GPR143: variants seen among roughly 807,000 people sequenced by gnomAD.
The protein encoded by GPR143 is G-protein coupled receptor 143.
GPR143 carries 8 observed loss-of-function variants against 27.6 expected under a neutral mutation model. That is an observed-to-expected ratio of 0.29 (90% CI 0.17 to 0.52). The LOEUF is 0.52. Among genes scored for constraint, GPR143 ranks in the 20% least tolerant of loss-of-function variants. The pLI is 0.96. For missense variants in GPR143, 303 were observed against 343.1 expected, an observed-to-expected ratio of 0.88 and a Z score of 0.92; for synonymous variants, 156 against 153.2, an observed-to-expected ratio of 1.02 and a Z score of -0.13.
intron 1 of GPR143, among the ~76,000 whole-genome samples, chrX:9,771,557 G>A (rs973987558): frequency 9.0e-6 from 1 of 110,592 alleles, no homozygotes; most frequent in African/African-American, 3.3e-5. Flanking sequence ...CTGACCTATG[G>A]CTCCTACTTT....
At chrX:9,749,226 T>TTCC (rs1423622263) in intron 3 of GPR143, among the ~76,000 whole-genome samples, 1 of 73,090 alleles carries the variant, frequency 1.4e-5, no homozygotes, top group African/African-American at 5.5e-5. Context: ...GGGATTTCCC[T>TTCC]CCCCCCCCAA....
intron 3 of GPR143, among the ~76,000 whole-genome samples, chrX:9,750,074 C>G (rs1283154480): frequency 9.0e-6 from 1 of 111,512 alleles, no homozygotes; most frequent in Non-Finnish European, 1.9e-5. Flanking sequence ...CCTTTCTTCC[C>G]TTTTTCTGAC....
At chrX:9,775,744 A>G (rs1014949069) in intron 1 of GPR143, among the ~76,000 whole-genome samples, 1 of 112,202 alleles carries the variant, frequency 8.9e-6, no homozygotes, top group African/African-American at 3.2e-5. Context: ...CTTTTCTTGA[A>G]GTCCACTTTT....
chrX:9,745,078 C>G (rs758688524), intron 5 of GPR143, among the ~76,000 whole-genome samples: 3 of 111,581 alleles, frequency 2.7e-5, no homozygotes, highest in Non-Finnish European at 5.6e-5. Flanking sequence ...ATAGTGAAAC[C>G]CCGTCTCTAC....
At chrX:9,729,509 T>C (rs137903681) in intron 8 of GPR143, among the ~76,000 whole-genome samples, 3 of 111,867 alleles carry the variant, frequency 2.7e-5, no homozygotes, top group African/African-American at 9.7e-5. Flanking sequence ...TTGAAGTAAA[T>C]TCTGCTGGGA....
chrX:9,732,304 T>A (rs2083357979), intron 8 of GPR143, among the ~76,000 whole-genome samples: 1 of 110,831 alleles, frequency 9.0e-6, no homozygotes, highest in Non-Finnish European at 1.9e-5. Flanking sequence ...AACAGAGTTG[T>A]GGGAGAAACA....
At chrX:9,728,412 AAT>A (rs1048763498) in intron 8 of GPR143, among the ~76,000 whole-genome samples, 7 of 107,309 alleles carry the variant, frequency 6.5e-5, no homozygotes, top group African/African-American at 2.4e-4. Flanking sequence ...AAAAAAAAAA[AAT>A]TAGAGTTATA....
At chrX:9,765,259 C>T (rs911495732) in intron 1 of GPR143, among the ~76,000 whole-genome samples, 11 of 111,496 alleles carry the variant, frequency 9.9e-5, no homozygotes, top group African/African-American at 3.6e-4. Context: ...CACTCTCACC[C>T]GGGGATTGAG....
chrX:9,766,903 T>TCTCA (rs1379433308), upstream of GPR143, among the ~76,000 whole-genome samples: 1,451 of 86,898 alleles, frequency 0.017, 18 homozygotes, highest in Non-Finnish European at 0.023. Context: ...TCTCTCTCTC[T>TCTCA]CACACACACA....
chrX:9,773,932 A>C (rs1394809183), intron 1 of GPR143, among the ~76,000 whole-genome samples: 1 of 111,469 alleles, frequency 9.0e-6, no homozygotes, highest in African/African-American at 3.3e-5. Context: ...AACTTAGAAA[A>C]AAAGTTTTAT....
rs145159358 is a variant in GPR143, at chrX:9,750,376, A to ATT, written c.456-1712_456-1711dup. 9.0e-3 allele frequency among the ~76,000 whole-genome samples: 917 copies of ATT among 101,744 alleles called. 16 individuals carry two copies. Among genetic ancestry groups the ATT allele is most frequent in the African/African-American group, 0.031 (869 of 27,627 alleles). The allele number at this position is 101,744 out of a possible 115,157, so 88.4% of individuals were successfully genotyped here. On this transcript the variant is annotated intron_variant, in intron 3 of 8. Transcript: ENST00000467482. ...AGGCATGCACCACCATGCCCAGCTA[A>ATT]TTTTTTTTTTTTTTGTAGAGATGGG... is the stretch of plus-strand genomic sequence containing the variant.
At chrX:9,761,995 G>T (rs1454494453) in intron 1 of GPR143, among the ~76,000 whole-genome samples, 2 of 112,075 alleles carry the variant, frequency 1.8e-5, no homozygotes, top group African/African-American at 6.5e-5. Context: ...GCTGAGGTGG[G>T]AGAATCGCTT....
upstream of GPR143, among the ~76,000 whole-genome samples, chrX:9,769,424 C>T (rs1460518282): frequency 9.0e-6 from 1 of 111,675 alleles, no homozygotes; most frequent in African/African-American, 3.3e-5. Flanking sequence ...AGTCCCCTGA[C>T]ATCGAGATGT....
intron 8 of GPR143, among the ~76,000 whole-genome samples, chrX:9,733,919 A>G (rs1226287289): frequency 1.8e-5 from 2 of 110,294 alleles, no homozygotes; most frequent in Non-Finnish European, 3.8e-5. Flanking sequence ...GTCTCTACTA[A>G]AAATACAAAA....
intron 5 of GPR143, among the ~76,000 whole-genome samples, chrX:9,745,324 G>A (rs775103940): frequency 8.9e-6 from 1 of 112,843 alleles, no homozygotes; most frequent in South Asian, 3.7e-4. Flanking sequence ...TATTACCAAT[G>A]ATAGAGTACT....
At chrX:9,766,505 C>A (rs112224071), upstream of GPR143, among the ~76,000 whole-genome samples, 2 of 112,051 alleles carry the variant, frequency 1.8e-5, no homozygotes, top group Admixed American at 9.5e-5. Context: ...GCAGGCAGAT[C>A]GCTTGAGCTC....
At chrX:9,728,639 T>TAAAAAAAAAAAAAAAAAA (rs57462205) in intron 8 of GPR143, among the ~76,000 whole-genome samples, 1 of 19,205 alleles carries the variant, frequency 5.2e-5, no homozygotes, top group African/African-American at 1.8e-4. Flanking sequence ...CCCTATCTCT[T>TAAAAAAAAAAAAAAAAAA]AAAAAAAAAA....
At chrX:9,759,024 A>G (rs1043264890) in intron 3 of GPR143, among the ~76,000 whole-genome samples, 2 of 111,721 alleles carry the variant, frequency 1.8e-5, no homozygotes, top group Non-Finnish European at 3.8e-5. Context: ...TTCTTTTATT[A>G]TTTTGGAGAT....
chrX:9,774,537 A>G (rs1296885248), intron 1 of GPR143, among the ~76,000 whole-genome samples: 1 of 112,346 alleles, frequency 8.9e-6, no homozygotes, highest in African/African-American at 3.2e-5. Flanking sequence ...AGCCTCCCTG[A>G]GTGAGTTCCT....
Sources: gnomAD v4.1 joint callset for allele counts (sites outside exome capture counted in the v4.1 genomes callset) on GRCh38, gnomAD v4.1.1 for gene constraint, MANE v1.5 for transcripts, NCBI Gene and HGNC (gene_info 2026-07-23, HGNC 2026-07-21) for gene names.